The following PVR variants were observed in gnomAD, a reference collection of about 807,000 sequenced individuals.
PVR encodes the protein poliovirus receptor.
In PVR, 39 loss-of-function variants were observed where a neutral mutation model predicts 43.3. The observed-to-expected ratio is 0.90, with a 90% CI of 0.70 to 1.18. The LOEUF is 1.18. Among genes scored for constraint, PVR ranks in the 50% most tolerant of loss-of-function variants. The pLI is 0.00. For synonymous variants in PVR, 224 were observed against 233.2 expected, an observed-to-expected ratio of 0.96 and a Z score of 0.36; for missense variants, 480 against 549.7, an observed-to-expected ratio of 0.87 and a Z score of 1.27.
intron 7 of PVR, 118 bp downstream of exon 7, chr19:44,661,441 G>A: frequency 1.8e-6 from 2 of 1,138,442 alleles, no homozygotes; most frequent in South Asian, 1.3e-5. Flanking sequence ...GGTGCCTCGA[G>A]CAGCATTTCC....
In PVR at chr19:44,664,955, T is replaced by C. The variant is rs893437507; in HGVS notation, c.*3144T>C. On this transcript the variant is annotated 3_prime_UTR_variant, in exon 8 of 8. Transcript: ENST00000425690. Reference sequence around the variant, plus strand: ...ATGTTTCTTGTCATTGTGATAGATATTGACAAATGAACCCTCACAGAAGTT... The same window carrying C: ...ATGTTTCTTGTCATTGTGATAGATACTGACAAATGAACCCTCACAGAAGTT... 3 of 152,098 alleles carry C rather than the reference T, an allele frequency of 2.0e-5. No homozygotes were observed. Among genetic ancestry groups the C allele is most frequent in the Admixed American group, 6.6e-5 (1 of 15,248 alleles). 9.4% of individuals were successfully genotyped at this position (152,098 alleles called of 1,614,324 possible).
In PVR at chr19:44,663,232, G is replaced by C. The variant is rs1973631559; in HGVS notation, c.*1421G>C. ...AAAAAGGTCTATGATCTTGAGGGCA[G>C]ACAGCAGAATTCCTCTTATAAAGAA... On this transcript the variant is annotated 3_prime_UTR_variant, in exon 8 of 8. Coordinates refer to ENST00000425690, the MANE Select transcript of PVR (RefSeq NM_006505.5). The C allele has an allele frequency of 6.6e-6, 1 of 152,244 alleles. No individual in the cohort carries two copies. 9.4% of individuals were successfully genotyped at this position (152,244 alleles called of 1,614,324 possible).
chr19:44,658,225 A>C (rs1973504966), intron 5 of PVR, among the ~76,000 whole-genome samples: 1 of 151,530 alleles, frequency 6.6e-6, no homozygotes, highest in Non-Finnish European at 1.5e-5. Flanking sequence ...TAGTCTAAGC[A>C]AAAAAAACCA....
At position 44,647,245 on chromosome 19, in the gene PVR, C is replaced by A; in HGVS notation, c.102C>A (p.Pro34=). The A allele has an allele frequency of 6.5e-7, 1 of 1,549,024 alleles. No individual in the cohort carries two copies. The highest frequency in any genetic ancestry group is 1.2e-5 in the South Asian group (1 of 84,136). ...PGTGDVVVQA[P]TQVPGFLGDS... ...CAGGGGACGTCGTCGTGCAGGCGCC[C>A]ACCCAGGTGCCCGGCTTCTTGGGCG... is the stretch of plus-strand genomic sequence containing the variant. Residue 34 remains proline (P), a synonymous_variant, in exon 2 of 8, where the codon CCC becomes CCA. Coordinates refer to ENST00000425690, the MANE Select transcript of PVR (RefSeq NM_006505.5).
Position 44,663,373 on chromosome 19 carries a change from G to A in PVR, c.*1562G>A, listed in dbSNP as rs964764501. 6.6e-6 allele frequency: 1 copy of A among 152,254 alleles called. No individual in the cohort carries two copies. Among genetic ancestry groups the A allele is most frequent in the Non-Finnish European group, 1.5e-5 (1 of 68,112 alleles). 9.4% of individuals were successfully genotyped at this position (152,254 alleles called of 1,614,324 possible). Reference sequence around the variant, plus strand: ...ATAAGCAGGACAGAGGATTTGCTCTGGACAGAGATGGAAGAGCCGGGAACA... The same window carrying A: ...ATAAGCAGGACAGAGGATTTGCTCTAGACAGAGATGGAAGAGCCGGGAACA... On this transcript the variant is annotated 3_prime_UTR_variant, in exon 8 of 8. Coordinates refer to ENST00000425690, the MANE Select transcript of PVR (RefSeq NM_006505.5).
Position 44,658,905 on chromosome 19 carries a change from G to A in PVR, c.1150+5G>A. On this transcript the variant is annotated splice_donor_5th_base_variant and intron_variant, in intron 6 of 7. Transcript: ENST00000425690. Reference sequence around the variant, plus strand: ...ACTGTCATCTGTGTCCCTCGAGTGAGCATCACCAGAGCTGCCGTAATTGAG... The same window carrying A: ...ACTGTCATCTGTGTCCCTCGAGTGAACATCACCAGAGCTGCCGTAATTGAG... 6.2e-7 allele frequency: 1 copy of A among 1,613,282 alleles called. No individual in the cohort carries two copies. Among genetic ancestry groups the A allele is most frequent in the Non-Finnish European group, 8.5e-7 (1 of 1,179,544 alleles).
At chr19:44,649,702 T>C in intron 2 of PVR, 107 bp from the exon 3 acceptor site, 1 of 1,263,584 alleles carries the variant, frequency 7.9e-7, no homozygotes, top group Non-Finnish European at 1.1e-6. Context: ...ATTATAGGCG[T>C]GAGCCACCCC....
rs768270129 is a variant in PVR, at chr19:44,647,281, G to A, written c.138G>A (p.Thr46=). The change falls in exon 2 of 8, where the codon ACG becomes ACA. Residue 46 remains threonine, a synonymous_variant. Coordinates refer to ENST00000425690, the MANE Select transcript of PVR (RefSeq NM_006505.5). ...CCGGCTTCTTGGGCGACTCCGTGACGCTGCCCTGCTACCTACAGGTGCCCA... is the reference window on the plus strand; with the variant it reads ...CCGGCTTCTTGGGCGACTCCGTGACACTGCCCTGCTACCTACAGGTGCCCA... ...QVPGFLGDSV[T]LPCYLQVPNM... The A allele has an allele frequency of 1.3e-6, 2 of 1,574,764 alleles. No individual in the cohort carries two copies. Among genetic ancestry groups the A allele is most frequent in the Non-Finnish European group, 1.7e-6 (2 of 1,159,952 alleles).
At chr19:44,650,711 C>T (rs1481581222) in intron 3 of PVR, among the ~76,000 whole-genome samples, 1 of 151,618 alleles carries the variant, frequency 6.6e-6, no homozygotes, top group Non-Finnish European at 1.5e-5. Flanking sequence ...TAAAGGTGCA[C>T]ACCACCACAC....
chr19:44,647,407 G>A lies in PVR; in HGVS notation c.264G>A (p.Glu88=). The change falls in exon 2 of 8, where the codon GAG becomes GAA. Residue 88 remains glutamate (E), a synonymous_variant. Transcript: ENST00000425690. ...AAACGCAGGGCCCCAGCTATTCGGA[G>A]TCCAAACGGCTGGAATTCGTGGCAG... is the stretch of plus-strand genomic sequence containing the variant. The part of the protein sequence containing the change: ...FHQTQGPSYS[E]SKRLEFVAAR... 1 of 1,614,114 alleles carries A rather than the reference G, an allele frequency of 6.2e-7. No individual in the cohort carries two copies. Among genetic ancestry groups the A allele is most frequent in the Non-Finnish European group, 8.5e-7 (1 of 1,180,000 alleles).
intron 3 of PVR, 138 bp downstream of exon 3, chr19:44,650,243 AC>A: frequency 1.3e-6 from 1 of 768,058 alleles, no homozygotes; most frequent in Non-Finnish European, 1.9e-6. Context: ...TACACGACCC[AC>A]CCCCATTGTC....
In PVR at chr19:44,663,975, T is replaced by C. The variant is rs546068130; in HGVS notation, c.*2164T>C. ...CCCAAAATTAGAAGATAAAAAGACA[T>C]GAGGGATCCATTCTAATTTGTGTTT... On this transcript the variant is annotated 3_prime_UTR_variant, in exon 8 of 8. Coordinates refer to ENST00000425690, the MANE Select transcript of PVR (RefSeq NM_006505.5). Among the ~76,000 whole-genome samples, 35 of 152,216 alleles carry C rather than the reference T, an allele frequency of 2.3e-4. No homozygotes were observed. The East Asian group carries it at 5.2e-3, about 23-fold the overall frequency.
At chr19:44,645,842 A>G (rs62119283) in intron 1 of PVR, among the ~76,000 whole-genome samples, 8,613 of 152,180 alleles carry the variant, frequency 0.057, 323 homozygotes, top group South Asian at 0.16. Flanking sequence ...AAAAGAATGC[A>G]TAGGACCATG....
chr19:44,657,817 C>T lies in PVR; in HGVS notation c.898C>T (p.Arg300Cys), dbSNP rs1162881445. ...GGCCCAGGGCGCCCAGCTCCTGATCCGTCCTGTGGACAAACCAATCAACAC... is the reference window on the plus strand; with the variant it reads ...GGCCCAGGGCGCCCAGCTCCTGATCTGTCCTGTGGACAAACCAATCAACAC... ...AVAQGAQLLI[R>C]PVDKPINTTL... Residue 300 changes from arginine (R) to cysteine (C), a missense_variant, in exon 5 of 8, where the codon CGT (arginine) becomes TGT (cysteine). Physicochemically the swap from Arg to Cys is radical, Grantham distance 180. Coordinates refer to ENST00000425690, the MANE Select transcript of PVR (RefSeq NM_006505.5). The T allele has an allele frequency of 9.3e-6, 15 of 1,613,962 alleles. No homozygotes were observed. The highest frequency in any genetic ancestry group is 2.7e-5 in the African/African-American group (2 of 74,924).
chr19:44,657,807 G>A lies in PVR; in HGVS notation c.888G>A (p.Gln296=). ...CCTTTGCTGTGGCCCAGGGCGCCCA[G>A]CTCCTGATCCGTCCTGTGGACAAAC... ...LPPFAVAQGA[Q]LLIRPVDKPI... The change falls in exon 5 of 8, where the codon CAG becomes CAA. Residue 296 remains glutamine (Q), a synonymous_variant. Transcript: ENST00000425690. 1.9e-6 allele frequency: 3 copies of A among 1,614,116 alleles called. No homozygotes were observed. Among genetic ancestry groups the A allele is most frequent in the Non-Finnish European group, 2.5e-6 (3 of 1,180,002 alleles).
At chr19:44,658,660 G>A (rs927827462) in intron 5 of PVR, 82 bp from the exon 6 acceptor site, 2 of 1,297,328 alleles carry the variant, frequency 1.5e-6, no homozygotes, top group African/African-American at 3.0e-5. Context: ...GGCTCCCTAA[G>A]GAAATTCAAG....
intron 6 of PVR, among the ~76,000 whole-genome samples, chr19:44,659,964 T>C (rs1482465975): frequency 2.0e-5 from 3 of 152,210 alleles, no homozygotes; most frequent in Admixed American, 6.5e-5. Context: ...CTTCAACCAC[T>C]AAACAAAGCT....
intron 1 of PVR, 146 bp from the exon 2 acceptor site, chr19:44,647,077 T>TTCCCCCCC: frequency 3.2e-6 from 1 of 311,374 alleles, no homozygotes; most frequent in South Asian, 5.9e-5. Flanking sequence ...GTGCCCCAGT[T>TTCCCCCCC]CCCCCTCCCC....
chr19:44,660,029 C>T (rs1973553199), intron 6 of PVR, among the ~76,000 whole-genome samples: 2 of 152,142 alleles, frequency 1.3e-5, no homozygotes, highest in African/African-American at 4.8e-5. Flanking sequence ...TCCCTGACCC[C>T]CAAGCATGAG....
Sources: allele counts gnomAD v4.1 joint callset (sites outside exome capture counted in the v4.1 genomes callset), GRCh38; gene constraint gnomAD v4.1.1; transcripts MANE v1.5; gene names NCBI Gene and HGNC (gene_info 2026-07-23, HGNC 2026-07-21).